STARD3NL: variants seen among roughly 807,000 people sequenced by gnomAD.
STARD3NL encodes the protein STARD3 N-terminal-like protein.
A neutral mutation model predicts 30.9 loss-of-function variants in STARD3NL; 17 were observed. The ratio of observed to expected loss-of-function variants is 0.55; its 90% CI spans 0.38 to 0.82. The LOEUF is 0.82. STARD3NL is among the 40% of genes least tolerant of loss of function. The probability of loss-of-function intolerance (pLI) is 0.00; values close to 1 mark genes in which losing one functional copy is unlikely to be tolerated. For synonymous variants in STARD3NL, 112 were observed against 100.5 expected (o/e 1.11, Z -0.69); for missense variants, 234 against 277.6 (o/e 0.84, Z 1.12).
At chr7:38,197,993 C>T (rs908053267) in intron 1 of STARD3NL, among the ~76,000 whole-genome samples, 17 of 152,216 alleles carry the variant, frequency 1.1e-4, no homozygotes, top group Non-Finnish European at 2.1e-4. Flanking sequence ...AGGCTGCTTC[C>T]TGCTTCCAGG....
intron 1 of STARD3NL, among the ~76,000 whole-genome samples, chr7:38,194,481 C>G (rs1469669712): frequency 6.6e-6 from 1 of 151,874 alleles, no homozygotes; most frequent in South Asian, 2.1e-4. Flanking sequence ...ATAGTTGCAG[C>G]TTTCTAACCT....
chr7:38,183,785 G>T lies in STARD3NL; in HGVS notation c.-59+5365G>T, dbSNP rs145019726. ...ATGTGAATTGTTTTAAATAAAACAG[G>T]GACCTGACCTAAAATAGTTTTCACA... On this transcript the variant is annotated intron_variant, in intron 1 of 8. Coordinates refer to ENST00000009041, the MANE Select transcript of STARD3NL (RefSeq NM_032016.4). Among the ~76,000 whole-genome samples, 412 of 152,216 alleles carry T rather than the reference G, an allele frequency of 2.7e-3. 1 individual carries two copies. Among genetic ancestry groups the T allele is most frequent in the African/African-American group, 9.6e-3 (399 of 41,518 alleles).
At chr7:38,214,670 C>T (rs893397685) in intron 3 of STARD3NL, among the ~76,000 whole-genome samples, 2 of 152,182 alleles carry the variant, frequency 1.3e-5, no homozygotes, top group Non-Finnish European at 2.9e-5. Flanking sequence ...CAGAAGGAGC[C>T]ATTCCTATTT....
chr7:38,226,767 T>G (rs949882368), intron 7 of STARD3NL, among the ~76,000 whole-genome samples: 6 of 152,148 alleles, frequency 3.9e-5, no homozygotes, highest in Admixed American at 2.0e-4. Context: ...ATTTGTCACT[T>G]CACTGTCAGT....
intron 1 of STARD3NL, among the ~76,000 whole-genome samples, chr7:38,204,770 T>C (rs1785364365): frequency 6.6e-6 from 1 of 150,514 alleles, no homozygotes; most frequent in East Asian, 2.0e-4. Context: ...GAGAGAAGAA[T>C]CAAATAGATG....
In STARD3NL at chr7:38,190,012, G is replaced by C. The variant is rs552901966; in HGVS notation, c.-59+11592G>C. The stretch of plus-strand genomic sequence containing the variant: ...GTTGGTCTCATGATTTTTTTGCCAT[G>C]AAAATTTGCCTTTGCTTTCTTTGCT... On this transcript the variant is annotated intron_variant, in intron 1 of 8. Coordinates refer to ENST00000009041, the MANE Select transcript of STARD3NL (RefSeq NM_032016.4). 2.0e-5 allele frequency among the ~76,000 whole-genome samples: 3 copies of C among 152,280 alleles called. No homozygotes were observed. In the South Asian group the frequency reaches 6.2e-4, roughly 32 times the overall value.
intron 2 of STARD3NL, among the ~76,000 whole-genome samples, chr7:38,212,958 A>G (rs1004048170): frequency 6.6e-6 from 1 of 152,194 alleles, no homozygotes; most frequent in Non-Finnish European, 1.5e-5. Context: ...TTAGGGATAG[A>G]GATATACATT....
chr7:38,208,166 A>G (rs1423094493), intron 2 of STARD3NL, among the ~76,000 whole-genome samples: 2 of 152,208 alleles, frequency 1.3e-5, no homozygotes, highest in East Asian at 3.8e-4. Flanking sequence ...TTTGTTCTCT[A>G]GTCTTTTTCA....
intron 6 of STARD3NL, among the ~76,000 whole-genome samples, chr7:38,218,935 A>C (rs1786287142): frequency 6.6e-6 from 1 of 152,072 alleles, no homozygotes; most frequent in Non-Finnish European, 1.5e-5. Flanking sequence ...CATCTCTCTA[A>C]CCAGATGTAG....
intron 1 of STARD3NL, among the ~76,000 whole-genome samples, chr7:38,195,674 A>T (rs1413701833): frequency 2.0e-5 from 3 of 152,206 alleles, no homozygotes; most frequent in African/African-American, 4.8e-5. Context: ...GTTTATAAAG[A>T]GATACTGGGG....
At chr7:38,189,181 GATTT>G (rs1784584090) in intron 1 of STARD3NL, among the ~76,000 whole-genome samples, 1 of 152,126 alleles carries the variant, frequency 6.6e-6, no homozygotes, top group South Asian at 2.1e-4. Context: ...AGAGTGAGAA[GATTT>G]ATTAAGATGG....
In STARD3NL at chr7:38,209,428, C is replaced by T. The variant is rs569620019; in HGVS notation, c.225+1699C>T. Among the ~76,000 whole-genome samples the T allele has an allele frequency of 1.2e-4, 18 of 152,034 alleles. No homozygotes were observed. The South Asian group carries it at 2.9e-3, about 25-fold the overall frequency. ...CTCCAGAGTAGCTGGGACTACAGGG[C>T]GCACACCATCACGCCTTGCTAATTT... On this transcript the variant is annotated intron_variant, in intron 2 of 8. Transcript: ENST00000009041.
At chr7:38,178,865 A>C (rs1784130240) in intron 1 of STARD3NL, among the ~76,000 whole-genome samples, 1 of 4,976 alleles carries the variant, frequency 2.0e-4, no homozygotes, top group Non-Finnish European at 4.0e-4. Flanking sequence ...AGTCGTGTTC[A>C]AAAAAAAAAA....
At chr7:38,221,781 A>C (rs1209748150) in intron 7 of STARD3NL, among the ~76,000 whole-genome samples, 1 of 152,204 alleles carries the variant, frequency 6.6e-6, no homozygotes, top group Non-Finnish European at 1.5e-5. Flanking sequence ...CCAGTTGTCT[A>C]GCTTCTCACC....
rs578061288 is a variant in STARD3NL, at chr7:38,204,255, T to C, written c.-58-3192T>C. Among the ~76,000 whole-genome samples, 152 of 152,196 alleles carry C rather than the reference T, an allele frequency of 1.0e-3. 1 individual carries two copies. Among genetic ancestry groups the C allele is most frequent in the African/African-American group, 3.5e-3 (145 of 41,514 alleles). ...TGGAAGTAAAGCACTCCTCAGCAAA[T>C]GTAAAAGAAGAGAAATTATAACAAA... On this transcript the variant is annotated intron_variant, in intron 1 of 8. Transcript: ENST00000009041.
chr7:38,211,959 A>C (rs993895239), intron 2 of STARD3NL, among the ~76,000 whole-genome samples: 2 of 151,868 alleles, frequency 1.3e-5, no homozygotes, highest in African/African-American at 4.8e-5. Context: ...CTCCTTTTCC[A>C]CTGTTTCCCT....
chr7:38,199,239 T>A (rs575818009), intron 1 of STARD3NL, among the ~76,000 whole-genome samples: 1 of 152,282 alleles, frequency 6.6e-6, no homozygotes, highest in African/African-American at 2.4e-5. Flanking sequence ...GAGGTATGGC[T>A]TTCCTTAAGC....
At chr7:38,203,113 A>G (rs1235745929) in intron 1 of STARD3NL, among the ~76,000 whole-genome samples, 2 of 152,180 alleles carry the variant, frequency 1.3e-5, no homozygotes, top group Non-Finnish European at 2.9e-5. Flanking sequence ...CCAACATTCA[A>G]ATTCAGGAAA....
intron 6 of STARD3NL, among the ~76,000 whole-genome samples, chr7:38,218,626 C>T (rs1387790312): frequency 2.0e-5 from 3 of 152,158 alleles, no homozygotes; most frequent in Non-Finnish European, 2.9e-5. Flanking sequence ...TAAATTAGCA[C>T]TTATTTTCAT....
Sources: allele counts gnomAD v4.1 joint callset (sites outside exome capture counted in the v4.1 genomes callset), GRCh38; gene constraint gnomAD v4.1.1; transcripts MANE v1.5; gene names NCBI Gene and HGNC (gene_info 2026-07-23, HGNC 2026-07-21).